FAF1: variants seen among roughly 807,000 people sequenced by gnomAD.
FAF1 encodes the protein Fas associated factor 1.
Under a neutral mutation model 92.5 loss-of-function variants are expected in FAF1, and 25 were observed. The ratio of observed to expected loss-of-function variants is 0.27; its 90% confidence interval spans 0.20 to 0.38. FAF1 has a LOEUF of 0.38. Among genes scored for constraint, FAF1 ranks in the 10% least tolerant of loss-of-function variants. The pLI, the probability that FAF1 is intolerant of heterozygous loss-of-function variation, is 1.00. For synonymous variants in FAF1, 234 were observed against 273.2 expected (o/e 0.86, Z 1.42); for missense variants, 636 against 793.3 (o/e 0.80, Z 2.38).
chr1:50,452,000 C>A, intron 18 of FAF1: 2 of 1,231,036 alleles, frequency 1.6e-6, no homozygotes, highest in Non-Finnish European at 2.1e-6. Flanking sequence ...GCTTTGGTCA[C>A]TATACTATTA....
In FAF1 at chr1:50,860,076, C is replaced by T. The variant is rs140490418; in HGVS notation, c.46-2079G>A. ...ATGTACAGAAGAATGACACTAGACCCCTACTTTTCACCATACACAAAAATT... is the reference window on the plus strand; with the variant it reads ...ATGTACAGAAGAATGACACTAGACCTCTACTTTTCACCATACACAAAAATT... On this transcript the variant is annotated intron_variant, in intron 1 of 18. Coordinates refer to ENST00000396153, the MANE Select transcript of FAF1 (RefSeq NM_007051.3). Among the ~76,000 whole-genome samples the T allele has an allele frequency of 3.9e-5, 6 of 151,968 alleles. No individual in the cohort carries two copies. The East Asian group carries it at 1.2e-3, about 29-fold the overall frequency.
chr1:50,860,927 T>C (rs985537619), intron 1 of FAF1, among the ~76,000 whole-genome samples: 4 of 151,988 alleles, frequency 2.6e-5, no homozygotes, highest in African/African-American at 9.7e-5. Flanking sequence ...TCATGTCCTT[T>C]GCAGCAACAT....
At chr1:50,453,632 TTCTTTGAAGG>T (rs1180281040) in intron 18 of FAF1, among the ~76,000 whole-genome samples, 1 of 152,206 alleles carries the variant, frequency 6.6e-6, no homozygotes, top group Non-Finnish European at 1.5e-5. Flanking sequence ...AGCACGTGTT[TTCTTTGAAGG>T]CTGGTCCAGC....
At chr1:50,640,902 C>T (rs1335579616) in intron 8 of FAF1, among the ~76,000 whole-genome samples, 1 of 137,698 alleles carries the variant, frequency 7.3e-6, no homozygotes, top group Non-Finnish European at 1.5e-5. Flanking sequence ...GGCACCATCT[C>T]GGCTCACTGC....
chr1:50,528,207 T>G (rs1647945002), intron 15 of FAF1, among the ~76,000 whole-genome samples: 2 of 152,156 alleles, frequency 1.3e-5, no homozygotes, highest in South Asian at 4.1e-4. Flanking sequence ...TGGCCAATTT[T>G]GCAGGGGCTT....
intron 17 of FAF1, among the ~76,000 whole-genome samples, chr1:50,488,758 T>C (rs1486003529): frequency 2.0e-5 from 3 of 152,238 alleles, no homozygotes; most frequent in Non-Finnish European, 4.4e-5. Context: ...CTTCAGTTTT[T>C]TTCACTTATA....
intron 4 of FAF1, among the ~76,000 whole-genome samples, chr1:50,779,160 G>C (rs1661070294): frequency 6.6e-6 from 1 of 152,078 alleles, no homozygotes; most frequent in Non-Finnish European, 1.5e-5. Context: ...ACGTCTTCAG[G>C]CTCCTCTTCT....
chr1:50,688,822 TAAAATAAAAATAA>T (rs1656789045), intron 7 of FAF1, among the ~76,000 whole-genome samples: 1 of 151,644 alleles, frequency 6.6e-6, no homozygotes, highest in Non-Finnish European at 1.5e-5. Flanking sequence ...CAAAATAAAA[TAAAATAAAAATAA>T]AAAATAAAAT....
chr1:50,496,889 CAAA>C (rs35287623), intron 15 of FAF1, among the ~76,000 whole-genome samples: 2 of 134,270 alleles, frequency 1.5e-5, no homozygotes, highest in African/African-American at 2.7e-5. Flanking sequence ...AACTCCATCT[CAAA>C]AAAAAAAAAA....
chr1:50,587,033 C>T lies in FAF1; in HGVS notation c.841-2222G>A, dbSNP rs117348566. The stretch of plus-strand genomic sequence containing the variant: ...GCTTAATCTTGCCTAGTACTCACCC[C>T]CTCCTTTGAGGCATCAGGTTAAGAA... On this transcript the variant is annotated intron_variant, in intron 9 of 18. Coordinates refer to ENST00000396153, the MANE Select transcript of FAF1 (RefSeq NM_007051.3). Among the ~76,000 whole-genome samples the T allele has an allele frequency of 2.0e-4, 30 of 152,258 alleles. No individual in the cohort carries two copies. The East Asian group carries it at 5.8e-3, about 29-fold the overall frequency.
rs369489788 is a variant in FAF1 at position 50,869,732 on chromosome 1, T to C, written c.46-11735A>G. 1.4e-4 allele frequency among the ~76,000 whole-genome samples: 21 copies of C among 152,310 alleles called. 1 individual carries two copies. The highest frequency in any genetic ancestry group is 5.1e-4 in the African/African-American group (21 of 41,568). On this transcript the variant is annotated intron_variant, in intron 1 of 18. Transcript: ENST00000396153. ...ACCTACCTAGTATAGAGTTTTTTCT[T>C]TGAGGATGTACTTTTAGATTCTTTA... is the stretch of plus-strand genomic sequence containing the variant.
intron 1 of FAF1, among the ~76,000 whole-genome samples, chr1:50,901,543 T>C (rs1644796191): frequency 6.6e-6 from 1 of 151,192 alleles, no homozygotes; most frequent in Non-Finnish European, 1.5e-5. Context: ...AAAATAAAAT[T>C]TAAAAATTTA....
intron 13 of FAF1, among the ~76,000 whole-genome samples, chr1:50,556,556 CCAGG>C (rs1649592319): frequency 6.6e-6 from 1 of 152,094 alleles, no homozygotes; most frequent in Admixed American, 6.6e-5. Context: ...AGAAAATTGG[CCAGG>C]CAGAGTGGCT....
At chr1:50,498,415 C>A (rs962636028) in intron 15 of FAF1, among the ~76,000 whole-genome samples, 2 of 152,088 alleles carry the variant, frequency 1.3e-5, no homozygotes, top group Non-Finnish European at 2.9e-5. Context: ...TACACTTCAT[C>A]AAAATTAAAC....
chr1:50,463,253 A>C (rs1646454720), intron 18 of FAF1, among the ~76,000 whole-genome samples: 2 of 152,260 alleles, frequency 1.3e-5, no homozygotes, highest in South Asian at 4.1e-4. Context: ...GAGGTAATTA[A>C]ACACGTCCTG....
At chr1:50,611,505 T>C (rs1279075738) in intron 8 of FAF1, among the ~76,000 whole-genome samples, 1 of 152,232 alleles carries the variant, frequency 6.6e-6, no homozygotes, top group African/African-American at 2.4e-5. Flanking sequence ...ATTGTGGATC[T>C]TGAGTTAATT....
At chr1:50,851,470 G>A (rs561503194) in intron 2 of FAF1, among the ~76,000 whole-genome samples, 2 of 152,232 alleles carry the variant, frequency 1.3e-5, no homozygotes, top group African/African-American at 2.4e-5. Flanking sequence ...TTCCCGCTGT[G>A]AGCTGAATCC....
chr1:50,841,185 T>A (rs1007992254), intron 2 of FAF1, among the ~76,000 whole-genome samples: 1 of 152,014 alleles, frequency 6.6e-6, no homozygotes, highest in African/African-American at 2.4e-5. Flanking sequence ...CAGCACATGA[T>A]AACGAATGAA....
intron 3 of FAF1, among the ~76,000 whole-genome samples, chr1:50,795,680 C>T (rs1474120923): frequency 6.6e-6 from 1 of 152,180 alleles, no homozygotes; most frequent in East Asian, 1.9e-4. Flanking sequence ...TCTTACATGC[C>T]TAACAGCTTA....
Sources: allele counts gnomAD v4.1 joint callset (sites outside exome capture counted in the v4.1 genomes callset), GRCh38; gene constraint gnomAD v4.1.1; transcripts MANE v1.5; gene names NCBI Gene and HGNC (gene_info 2026-07-23, HGNC 2026-07-21).